MAP2K6: variants seen among roughly 807,000 people sequenced by gnomAD.
MAP2K6 encodes mitogen-activated protein kinase kinase 6.
In MAP2K6, 16 loss-of-function variants were observed where a neutral mutation model predicts 53.7. The observed-to-expected ratio is 0.30, with a 90% CI of 0.20 to 0.45. The LOEUF is 0.45. MAP2K6 is among the 20% of genes least tolerant of loss of function. The pLI, the probability that MAP2K6 is intolerant of heterozygous loss-of-function variation, is 1.00. For missense variants in MAP2K6, 204 were observed against 411.9 expected (o/e 0.50, Z 4.37); for synonymous variants, 132 against 143.1 (o/e 0.92, Z 0.55).
At chr17:69,427,601 A>G (rs1906314290) in intron 1 of MAP2K6, among the ~76,000 whole-genome samples, 1 of 152,110 alleles carries the variant, frequency 6.6e-6, no homozygotes. Flanking sequence ...TTCCCTCAAT[A>G]ACTCCATTTA....
intron 1 of MAP2K6, among the ~76,000 whole-genome samples, chr17:69,459,477 C>T (rs567633808): frequency 6.6e-6 from 1 of 151,744 alleles, no homozygotes; most frequent in African/African-American, 2.4e-5. Context: ...TTTGGGAGGC[C>T]GAGATAGGTG....
chr17:69,518,303 G>T (rs1598304891), intron 4 of MAP2K6, among the ~76,000 whole-genome samples: 1 of 152,178 alleles, frequency 6.6e-6, no homozygotes, highest in East Asian at 1.9e-4. Context: ...TGTCCTGTTG[G>T]ATTTTCAAAT....
In MAP2K6 at chr17:69,516,886, A is replaced by G; in HGVS notation, c.115A>G (p.Ile39Val). Residue 39 changes from isoleucine to valine, a missense_variant, in exon 3 of 12, where the codon ATT becomes GTT. Ile to Val is a conservative substitution (Grantham distance 29). Transcript: ENST00000590474. ...TCGAGATTTAGACTCCAAGGCTTGCATTTCTATTGGAAATCAGGTAAGAAA... is the reference window on the plus strand; with the variant it reads ...TCGAGATTTAGACTCCAAGGCTTGCGTTTCTATTGGAAATCAGGTAAGAAA... ...PPRDLDSKAC[I>V]SIGNQNFEVK... 1 of 1,596,906 alleles carries G rather than the reference A, an allele frequency of 6.3e-7. No homozygotes were observed. Among genetic ancestry groups the G allele is most frequent in the South Asian group, 1.1e-5 (1 of 90,378 alleles).
intron 7 of MAP2K6, among the ~76,000 whole-genome samples, chr17:69,522,042 G>A (rs1195083446): frequency 6.6e-6 from 1 of 152,148 alleles, no homozygotes; most frequent in Non-Finnish European, 1.5e-5. Flanking sequence ...TTGGGAGGCT[G>A]AGGCAGGTGA....
chr17:69,535,229 C>T (rs773955542), intron 10 of MAP2K6, among the ~76,000 whole-genome samples: 1 of 152,134 alleles, frequency 6.6e-6, no homozygotes, highest in African/African-American at 2.4e-5. Flanking sequence ...ACTGAGTGCG[C>T]TCTCTCTTTT....
intron 1 of MAP2K6, among the ~76,000 whole-genome samples, chr17:69,497,355 G>A (rs766086111): frequency 6.6e-6 from 1 of 152,204 alleles, no homozygotes; most frequent in Non-Finnish European, 1.5e-5. Context: ...GCTGAGTGTC[G>A]CAGTTGACTG....
chr17:69,516,704 C>T, intron 2 of MAP2K6, 151 bp from the exon 3 acceptor site: 2 of 527,422 alleles, frequency 3.8e-6, no homozygotes, highest in South Asian at 3.3e-5. Context: ...ATTTCAAATC[C>T]CCTCTTATTC....
At chr17:69,511,051 G>A (rs1774759629) in intron 2 of MAP2K6, among the ~76,000 whole-genome samples, 3 of 151,752 alleles carry the variant, frequency 2.0e-5, no homozygotes, top group Admixed American at 1.3e-4. Flanking sequence ...TTTTATATTA[G>A]TTTACATTAT....
rs1912189019 is a variant in MAP2K6, at chr17:69,553,749, T to G, written c.*11996T>G. The G allele has an allele frequency of 6.6e-6, 1 of 152,222 alleles. No homozygotes were observed. 9.4% of individuals were successfully genotyped at this position (152,222 alleles called of 1,614,324 possible). A position where few individuals can be genotyped will look rare whatever the true frequency, so the allele number is the denominator to read the frequency against. ...TTTCCGTCAAAGTGCTTGCTATGGC[T>G]TTCATAGCTGGGACAAGTAACATTA... On this transcript the variant is annotated 3_prime_UTR_variant, in exon 12 of 12. Coordinates refer to ENST00000590474, the MANE Select transcript of MAP2K6 (RefSeq NM_002758.4).
At chr17:69,472,118 A>C (rs1438744641) in intron 1 of MAP2K6, among the ~76,000 whole-genome samples, 1 of 152,032 alleles carries the variant, frequency 6.6e-6, no homozygotes, top group Non-Finnish European at 1.5e-5. Context: ...ATCGTTCTTC[A>C]ACTTGGTGTT....
chr17:69,439,291 A>G (rs1906742631), intron 1 of MAP2K6, among the ~76,000 whole-genome samples: 2 of 152,196 alleles, frequency 1.3e-5, no homozygotes, highest in African/African-American at 4.8e-5. Flanking sequence ...TTTTCTTAAA[A>G]AGATTGAGTC....
intron 1 of MAP2K6, among the ~76,000 whole-genome samples, chr17:69,417,447 T>C (rs1905941936): frequency 6.6e-6 from 1 of 152,198 alleles, no homozygotes; most frequent in Non-Finnish European, 1.5e-5. Flanking sequence ...ACAGACTCTC[T>C]GGAAGCTGGA....
intron 2 of MAP2K6, among the ~76,000 whole-genome samples, chr17:69,510,630 T>C (rs1175872889): frequency 6.6e-6 from 1 of 152,214 alleles, no homozygotes; most frequent in African/African-American, 2.4e-5. Context: ...TCAATTTCTT[T>C]AGTAGTTATA....
At chr17:69,521,248 CA>C (rs1910450885) in intron 7 of MAP2K6, 148 bp downstream of exon 7, 1 of 599,866 alleles carries the variant, frequency 1.7e-6, no homozygotes, top group African/African-American at 1.9e-5. Flanking sequence ...GATTGGATAG[CA>C]AACCATATAA....
rs1277497400 is a variant in MAP2K6, at chr17:69,548,134, C to A, written c.*6381C>A. On this transcript the variant is annotated 3_prime_UTR_variant, in exon 12 of 12. Transcript: ENST00000590474. ...CCTGTTCTCACTGCGACAGAAGACT[C>A]AGGCCTACTCATTTTGTGCTGTCCC... The A allele has an allele frequency of 6.6e-6, 1 of 152,208 alleles. No homozygotes were observed. The highest frequency in any genetic ancestry group is 1.5e-5 in the Non-Finnish European group (1 of 68,038). 9.4% of individuals were successfully genotyped at this position (152,208 alleles called of 1,614,324 possible).
intron 1 of MAP2K6, among the ~76,000 whole-genome samples, chr17:69,485,892 G>A (rs568470881): frequency 6.6e-6 from 1 of 152,212 alleles, no homozygotes; most frequent in Middle Eastern, 3.4e-3. Context: ...AGTAACAAAT[G>A]TACAAAAAGT....
In MAP2K6 at chr17:69,519,324, C is replaced by T. The variant is rs767469368; in HGVS notation, c.258C>T (p.Ala86=). The T allele has an allele frequency of 4.3e-6, 7 of 1,613,470 alleles. No individual in the cohort carries two copies. Among genetic ancestry groups the T allele is most frequent in the Admixed American group, 1.7e-5 (1 of 59,886 alleles). The change falls in exon 5 of 12, where the codon GCC becomes GCT. Residue 86 remains alanine (A), a synonymous_variant. Transcript: ENST00000590474. ...GQIMAVKRIR[A]TVNSQEQKRL... ...GCATTTCCATTCAGCGGATCCGAGC[C>T]ACAGTAAATAGCCAGGAACAGAAAC...
At chr17:69,420,615 G>T (rs1029490347) in intron 1 of MAP2K6, among the ~76,000 whole-genome samples, 21 of 152,230 alleles carry the variant, frequency 1.4e-4, no homozygotes, top group African/African-American at 5.1e-4. Context: ...GGCCTTGGAA[G>T]TGAGTGACTT....
chr17:69,505,554 A>G, intron 1 of MAP2K6: 1 of 442,084 alleles, frequency 2.3e-6, no homozygotes, highest in South Asian at 2.7e-5. Context: ...TGCCCCCTGG[A>G]CTAATGAAAA....
Sources: allele counts gnomAD v4.1 joint callset (sites outside exome capture counted in the v4.1 genomes callset), GRCh38; gene constraint gnomAD v4.1.1; transcripts MANE v1.5; gene names NCBI Gene and HGNC (gene_info 2026-07-23, HGNC 2026-07-21).